Variants in NAGK observed in about 807,000 individuals in gnomAD.
The protein encoded by NAGK is N-acetyl-D-glucosamine kinase.
NAGK carries 35 observed loss-of-function variants against 42.9 expected under a neutral mutation model. That is an observed-to-expected ratio of 0.82 (90% CI 0.62 to 1.08). NAGK has a LOEUF of 1.08. Among genes scored for constraint, NAGK ranks in the 50% least tolerant of loss-of-function variants. NAGK has a pLI of 0.00. For synonymous variants in NAGK, 172 were observed against 176.0 expected, an observed-to-expected ratio of 0.98 and a Z score of 0.18; for missense variants, 446 against 446.0, an observed-to-expected ratio of 1.00 and a Z score of 0.00.
chr2:71,078,348 A>G lies in NAGK; in HGVS notation c.875A>G (p.Glu292Gly). ...CTTCTGGCGCTGACCCAGGGCAGAG[A>G]GATCCAGGCTCAGAACTTCTTCTCC... Reference protein sequence around the residue: ...GFLLALTQGREIQAQNFFSSF... With the variant: ...GFLLALTQGRGIQAQNFFSSF... The change falls in exon 10 of 10, where the codon GAG becomes GGG. Residue 292 changes from glutamate to glycine, a missense_variant. Coordinates refer to ENST00000244204, the MANE Select transcript of NAGK (RefSeq NM_017567.6). 8 of 1,614,126 alleles carry G rather than the reference A, an allele frequency of 5.0e-6. No individual in the cohort carries two copies. Among genetic ancestry groups the G allele is most frequent in the Non-Finnish European group, 6.8e-6 (8 of 1,180,026 alleles).
At chr2:71,073,386 T>C (rs17616553) in intron 5 of NAGK, 96 bp from the exon 6 acceptor site, 120,671 of 607,840 alleles carry the variant, frequency 0.2, 10,636 homozygotes, top group East Asian at 0.43. Context: ...TTGTATAAAA[T>C]TCAAGCAGAT....
Position 71,079,628 on chromosome 2 carries a change from AAAAATT to A in NAGK, c.*1123_*1128del, listed in dbSNP as rs1672335505. 1 of 152,112 alleles carries A rather than the reference AAAAATT, an allele frequency of 6.6e-6. No individual in the cohort carries two copies. Among genetic ancestry groups the A allele is most frequent in the African/African-American group, 2.4e-5 (1 of 41,400 alleles). The allele number at this position is 152,112 out of a possible 1,614,324, so 9.4% of individuals were successfully genotyped here. A position where few individuals can be genotyped will look rare whatever the true frequency, so the allele number is the denominator to read the frequency against. On this transcript the variant is annotated 3_prime_UTR_variant, in exon 10 of 10. Coordinates refer to ENST00000244204, the MANE Select transcript of NAGK (RefSeq NM_017567.6). ...AACTCCATCTCTACTAAAAAATACAAAAAATTAACCGGGCGTGGTGTCGCGCGCCTG... is the reference window on the plus strand; with the variant it reads ...AACTCCATCTCTACTAAAAAATACAAAACCGGGCGTGGTGTCGCGCGCCTG...
Position 71,071,708 on chromosome 2 carries a change from A to G in NAGK, c.236A>G (p.Asp79Gly). ...RSLGLSLSGGDQEDAGRILIE... is the reference protein window; with the variant it reads ...RSLGLSLSGGGQEDAGRILIE... ...TAGGGCCTATCTCTGAGCGGTGGGG[A>G]CCAGGAGGACGCGGGGAGGATCCTG... The change falls in exon 4 of 10, where the codon GAC becomes GGC. Residue 79 changes from aspartate to glycine, a missense_variant. Physicochemically the swap from Asp to Gly is moderately conservative, Grantham distance 94. Transcript: ENST00000244204. 1.9e-6 allele frequency: 3 copies of G among 1,613,698 alleles called. No individual in the cohort carries two copies. Among genetic ancestry groups the G allele is most frequent in the Non-Finnish European group, 2.5e-6 (3 of 1,179,914 alleles).
At chr2:71,068,641 G>C (rs1308065161), upstream of NAGK, 2 of 1,523,696 alleles carry the variant, frequency 1.3e-6, no homozygotes, top group Admixed American at 2.1e-5. Context: ...GTCAGGCGGG[G>C]AGAGACGCAA....
chr2:71,068,526 A>G, upstream of NAGK: 3 of 1,458,988 alleles, frequency 2.1e-6, no homozygotes, highest in South Asian at 1.3e-5. Context: ...CCCGGCTCCT[A>G]CCGGCGCCCC....
intron 5 of NAGK, 133 bp from the exon 6 acceptor site, chr2:71,073,349 C>CCCCCG: frequency 1.6e-6 from 1 of 624,540 alleles, no homozygotes; most frequent in South Asian, 1.7e-5. Context: ...CCCCTGCCAC[C>CCCCCG]CCTGGCTGGG....
chr2:71,074,960 G>A (rs1345566472), intron 6 of NAGK: 4 of 152,168 alleles, frequency 2.6e-5, no homozygotes, highest in Non-Finnish European at 4.4e-5. Context: ...GGTTCCTCAG[G>A]ACCTTAGAGG....
rs754207571 is a variant in NAGK at position 71,077,680 on chromosome 2, G to A, written c.844+44G>A. The A allele has an allele frequency of 4.2e-5, 65 of 1,566,114 alleles. 1 individual carries two copies. The Middle Eastern group carries it at 1.8e-3, about 44-fold the overall frequency. The stretch of plus-strand genomic sequence containing the variant: ...TGGAAGGGCAAGGGCAGGGGACGGG[G>A]CTGGAAAGGAGGTGGCCCAGGAAAG... On this transcript the variant is annotated intron_variant, in intron 9 of 9. Transcript: ENST00000244204.
intron 4 of NAGK, 170 bp from the exon 5 acceptor site, chr2:71,072,471 C>G: frequency 1.7e-6 from 1 of 578,596 alleles, no homozygotes; most frequent in Non-Finnish European, 3.1e-6. Context: ...TTCTGAGACC[C>G]AGGCTCTCAC....
chr2:71,073,917 C>T (rs1672120795), intron 6 of NAGK, among the ~76,000 whole-genome samples: 1 of 152,066 alleles, frequency 6.6e-6, no homozygotes, highest in South Asian at 2.1e-4. Context: ...ATGAAAAGTG[C>T]AGGATGAGAT....
At chr2:71,068,518 C>G, upstream of NAGK, 4 of 1,449,394 alleles carry the variant, frequency 2.8e-6, no homozygotes, top group South Asian at 4.1e-5. Context: ...CAGCCATCCC[C>G]GGCTCCTACC....
chr2:71,076,447 G>C, intron 7 of NAGK, 157 bp from the exon 8 acceptor site: 1 of 595,838 alleles, frequency 1.7e-6, no homozygotes, highest in East Asian at 3.0e-5. Context: ...GTGGAGACTT[G>C]CTTCTCCACC....
chr2:71,070,461 G>T, intron 1 of NAGK, 41 bp from the exon 2 acceptor site: 4 of 1,566,800 alleles, frequency 2.6e-6, no homozygotes, highest in Non-Finnish European at 3.5e-6. Context: ...CTCTCTGTGG[G>T]TTTTTCCGAG....
At chr2:71,070,608 T>C (rs1394269830) in intron 2 of NAGK, 22 bp downstream of exon 2, 3 of 1,610,188 alleles carry the variant, frequency 1.9e-6, no homozygotes, top group Admixed American at 1.7e-5. Flanking sequence ...ACTGAGGGGA[T>C]CAGAGGGCTT....
chr2:71,075,741 C>T, intron 7 of NAGK, 99 bp downstream of exon 7: 1 of 1,229,982 alleles, frequency 8.1e-7, no homozygotes, highest in Admixed American at 1.9e-5. Flanking sequence ...AACAATTTTC[C>T]TCTCACCAAG....
intron 5 of NAGK, chr2:71,073,232 A>G: frequency 1.8e-6 from 1 of 561,958 alleles, no homozygotes; most frequent in South Asian, 2.0e-5. Context: ...CTTGGGTAGG[A>G]GCTGGTGTGA....
intron 6 of NAGK, 140 bp from the exon 7 acceptor site, chr2:71,075,415 T>C: frequency 1.6e-6 from 1 of 623,422 alleles, no homozygotes; most frequent in Non-Finnish European, 2.9e-6. Context: ...ATGAGAAATC[T>C]CAAATCCCTG....
Position 71,078,434 on chromosome 2 carries a change from A to G in NAGK, c.961A>G (p.Arg321Gly), listed in dbSNP as rs921890307. The change falls in exon 10 of 10, where the codon AGG becomes GGG. Residue 321 changes from arginine (R) to glycine (G), a missense_variant. By Grantham distance (125) the Arg-to-Gly change is moderately radical (BLOSUM62 -2). Coordinates refer to ENST00000244204, the MANE Select transcript of NAGK (RefSeq NM_017567.6). Reference protein sequence around the residue: ...SALGGASLGARHIGHLLPMDY... With the variant: ...SALGGASLGAGHIGHLLPMDY... ...TCTGGGTGGGGCCAGCCTAGGGGCC[A>G]GGCACATCGGGCACCTCCTCCCCAT... 9.9e-6 allele frequency: 16 copies of G among 1,613,692 alleles called. No homozygotes were observed. The highest frequency in any genetic ancestry group is 1.4e-5 in the Non-Finnish European group (16 of 1,179,796).
chr2:71,075,921 T>C, intron 7 of NAGK: 1 of 490,242 alleles, frequency 2.0e-6, no homozygotes, highest in Non-Finnish European at 3.7e-6. Flanking sequence ...TATGAAGCAG[T>C]TGTCCTTTGG....
Sources: allele counts gnomAD v4.1 joint callset (sites outside exome capture counted in the v4.1 genomes callset), GRCh38; gene constraint gnomAD v4.1.1; transcripts MANE v1.5; gene names NCBI Gene and HGNC (gene_info 2026-07-23, HGNC 2026-07-21).